MRPL14: variants seen among roughly 807,000 people sequenced by gnomAD.
MRPL14 encodes large ribosomal subunit protein uL14m.
Under a neutral mutation model 10.9 loss-of-function variants are expected in MRPL14, and 8 were observed. That is an observed-to-expected ratio of 0.74 (90% CI 0.43 to 1.33). The LOEUF (loss-of-function observed/expected upper bound fraction) is 1.33. MRPL14 is among the 40% of genes most tolerant of loss of function. The probability of loss-of-function intolerance (pLI) is 0.01; values close to 1 mark genes in which losing one functional copy is unlikely to be tolerated. For missense variants in MRPL14, 179 were observed against 194.5 expected (o/e 0.92, Z 0.47); for synonymous variants, 82 against 74.1 (o/e 1.11, Z -0.54).
chr6:44,120,672 T>C (rs1776307980), intron 1 of MRPL14, among the ~76,000 whole-genome samples: 1 of 152,188 alleles, frequency 6.6e-6, no homozygotes, highest in Non-Finnish European at 1.5e-5. Context: ...AAACAAACTG[T>C]TATACCCTCC....
chr6:44,124,216 T>C (rs1582726661), intron 1 of MRPL14, among the ~76,000 whole-genome samples: 1 of 151,808 alleles, frequency 6.6e-6, no homozygotes, highest in Admixed American at 6.6e-5. Context: ...AGAATGGGGG[T>C]GGGAGGGTGC....
Position 44,116,542 on chromosome 6 carries a change from T to C in MRPL14, c.70A>G (p.Ser24Gly). 1.2e-6 allele frequency: 2 copies of C among 1,614,044 alleles called. No individual in the cohort carries two copies. Among genetic ancestry groups the C allele is most frequent in the Non-Finnish European group, 1.7e-6 (2 of 1,179,948 alleles). Residue 24 changes from serine (S) to glycine (G), a missense_variant and splice_region_variant, in exon 2 of 3, where the codon AGC (serine) becomes GGC (glycine). Ser to Gly is a moderately conservative substitution (Grantham distance 56). Coordinates refer to ENST00000372014, the MANE Select transcript of MRPL14 (RefSeq NM_032111.4). ...VSRVLSHHCF[S>G]TTGSLSAIQK... is the part of the protein sequence containing the mutation. ...TAAGAACTTAATGGGAAAAGTTACCTGAAACAGTGATGGCTCAGCACTCTG... is the reference window on the plus strand; with the variant it reads ...TAAGAACTTAATGGGAAAAGTTACCCGAAACAGTGATGGCTCAGCACTCTG...
Position 44,118,549 on chromosome 6 carries a change from G to A in MRPL14, c.-18-1920C>T, listed in dbSNP as rs139722164. On this transcript the variant is annotated intron_variant, in intron 1 of 2. Transcript: ENST00000372014. ...ATACCAAAGCTCATTTCACAGGAGA[G>A]CCCTGGGTGTCAAGCAGCTTTAAGG... Among the ~76,000 whole-genome samples, 600 of 152,316 alleles carry A rather than the reference G, an allele frequency of 3.9e-3. 7 individuals are homozygous for A. The highest frequency in any genetic ancestry group is 5.9e-3 in the Non-Finnish European group (399 of 68,032).
intron 1 of MRPL14, 86 bp from the exon 2 acceptor site, chr6:44,116,715 GGC>G: frequency 1.2e-6 from 1 of 827,006 alleles, no homozygotes; most frequent in Non-Finnish European, 2.1e-6. Context: ...TGTGGGAGAT[GGC>G]ACTTCCAGCA....
intron 2 of MRPL14, among the ~76,000 whole-genome samples, chr6:44,115,189 G>GT (rs34631848): frequency 0.61 from 91,922 of 151,800 alleles, 29,061 homozygotes; most frequent in East Asian, 0.82. Context: ...CTCTTCTCTC[G>GT]TTTTTTATGC....
In MRPL14 at chr6:44,118,115, A is replaced by G. The variant is rs150088057; in HGVS notation, c.-18-1486T>C. On this transcript the variant is annotated intron_variant, in intron 1 of 2. Transcript: ENST00000372014. ...TGATCAGAAAAATCAAATGCAAAAG[A>G]AGGCAGCTAATGTATGCAACTACTA... is the stretch of plus-strand genomic sequence containing the variant. Among the ~76,000 whole-genome samples, 66 of 152,308 alleles carry G rather than the reference A, an allele frequency of 4.3e-4. 1 individual carries two copies. The East Asian group carries it at 0.012, about 27-fold the overall frequency.
chr6:44,123,999 A>T (rs1414774599), intron 1 of MRPL14, among the ~76,000 whole-genome samples: 1 of 152,210 alleles, frequency 6.6e-6, no homozygotes, highest in Non-Finnish European at 1.5e-5. Flanking sequence ...CCTACCTCAC[A>T]AGTGTACAAA....
chr6:44,125,349 T>C (rs1225532216), intron 1 of MRPL14, among the ~76,000 whole-genome samples: 1 of 152,024 alleles, frequency 6.6e-6, no homozygotes, highest in African/African-American at 2.4e-5. Context: ...TTGTAAAAAA[T>C]AAAAACATAT....
At chr6:44,117,227 C>CA (rs1775936715) in intron 1 of MRPL14, among the ~76,000 whole-genome samples, 1 of 151,780 alleles carries the variant, frequency 6.6e-6, no homozygotes, top group East Asian at 1.9e-4. Flanking sequence ...GTCTCCCAAA[C>CA]ACTGTAACAT....
chr6:44,125,053 A>G (rs1402813893), intron 1 of MRPL14, among the ~76,000 whole-genome samples: 1 of 152,168 alleles, frequency 6.6e-6, no homozygotes, highest in Non-Finnish European at 1.5e-5. Context: ...TCAGTGCCCA[A>G]CCACCTGAAA....
intron 1 of MRPL14, among the ~76,000 whole-genome samples, chr6:44,121,034 G>C (rs1776357823): frequency 1.3e-5 from 2 of 152,146 alleles, no homozygotes; most frequent in African/African-American, 4.8e-5. Context: ...AATGGAGGCA[G>C]CAATTTACTT....
chr6:44,126,770 G>A (rs1777116468), intron 1 of MRPL14: 1 of 152,216 alleles, frequency 6.6e-6, no homozygotes, highest in South Asian at 2.1e-4. Flanking sequence ...TATAGAAAGA[G>A]TCTCAGTCTC....
chr6:44,118,277 C>T (rs535414200), intron 1 of MRPL14, among the ~76,000 whole-genome samples: 34 of 152,230 alleles, frequency 2.2e-4, no homozygotes, highest in African/African-American at 7.5e-4. Flanking sequence ...ATAGTATCTG[C>T]CCCCAAGGTA....
rs1392500314 is a variant in MRPL14, at chr6:44,113,682, TG to T, written c.*160del. The stretch of plus-strand genomic sequence containing the variant: ...TATTTTCCCACATCCCAGAAAGCTC[TG>T]GAAAAACACATAAATGAATACATTT... On this transcript the variant is annotated 3_prime_UTR_variant, in exon 3 of 3. Coordinates refer to ENST00000372014, the MANE Select transcript of MRPL14 (RefSeq NM_032111.4). The T allele has an allele frequency of 1.3e-5, 10 of 753,130 alleles. No individual in the cohort carries two copies. Among genetic ancestry groups the T allele is most frequent in the Non-Finnish European group, 1.9e-5 (10 of 519,852 alleles). 46.7% of individuals were successfully genotyped at this position (753,130 alleles called of 1,614,324 possible). A position where few individuals can be genotyped will look rare whatever the true frequency, so the allele number is the denominator to read the frequency against.
At position 44,114,207 on chromosome 6, in the gene MRPL14, G is replaced by C. The variant is rs1775614743; in HGVS notation, c.74C>G (p.Thr25Ser). ...SRVLSHHCFS[T>S]TGSLSAIQKM... is the part of the protein sequence containing the mutation. The stretch of plus-strand genomic sequence containing the variant: ...CTGAATCGCACTCAGACTCCCAGTG[G>C]TGCTGGTGGGAGGAAAAAAAAAAGT... Residue 25 changes from threonine to serine, a missense_variant and splice_region_variant, in exon 3 of 3, where the codon ACC becomes AGC. Physicochemically the swap from Thr to Ser is moderately conservative, Grantham distance 58. Transcript: ENST00000372014. 4 of 1,603,412 alleles carry C rather than the reference G, an allele frequency of 2.5e-6. No individual in the cohort carries two copies. The highest frequency in any genetic ancestry group is 1.7e-4 in the Middle Eastern group (1 of 5,822).
rs924584728 is a variant in MRPL14, at chr6:44,127,359, G to C, written c.-34C>G. On this transcript the variant is annotated 5_prime_UTR_variant, in exon 1 of 3. Transcript: ENST00000372014. ...CCCACCATACCGCTCTCGCCGCCCG[G>C]GAAAATCCCGCCGCGGGCCCCACCA... 1.3e-5 allele frequency: 2 copies of C among 152,380 alleles called. No individual in the cohort carries two copies. The highest frequency in any genetic ancestry group is 4.8e-5 in the African/African-American group (2 of 41,388). The allele number at this position is 152,380 out of a possible 1,614,324, so 9.4% of individuals were successfully genotyped here.
At chr6:44,116,672 G>C (rs1267121271) in intron 1 of MRPL14, 43 bp from the exon 2 acceptor site, 8 of 1,461,908 alleles carry the variant, frequency 5.5e-6, no homozygotes, top group Non-Finnish European at 7.7e-6. Context: ...TTCTAAGTCA[G>C]AGCCCTTAAA....
intron 1 of MRPL14, among the ~76,000 whole-genome samples, chr6:44,119,848 C>T (rs534804009): frequency 4.6e-5 from 7 of 152,146 alleles, no homozygotes; most frequent in Admixed American, 1.3e-4. Flanking sequence ...TCCTGAACAA[C>T]GCCACAGAAC....
intron 2 of MRPL14, 149 bp downstream of exon 2, chr6:44,116,392 C>A: frequency 1.3e-6 from 1 of 743,642 alleles, no homozygotes; most frequent in Non-Finnish European, 2.3e-6. Context: ...CCAGACCAAC[C>A]AGGCCAGCTC....
Sources: allele counts gnomAD v4.1 joint callset (sites outside exome capture counted in the v4.1 genomes callset), GRCh38; gene constraint gnomAD v4.1.1; transcripts MANE v1.5; gene names NCBI Gene and HGNC (gene_info 2026-07-23, HGNC 2026-07-21).